The following DHRSX variants were observed in gnomAD, a reference collection of about 807,000 sequenced individuals.
DHRSX encodes the protein polyprenol dehydrogenase.
A neutral mutation model predicts 34.0 loss-of-function variants in DHRSX; 31 were observed. That is an observed-to-expected ratio of 0.91 (90% confidence interval 0.69 to 1.23). DHRSX has a LOEUF of 1.23. DHRSX is among the 50% of genes most tolerant of loss of function. The pLI is 0.00. For missense variants in DHRSX, 414 were observed against 428.1 expected (o/e 0.97, Z 0.29); for synonymous variants, 201 against 183.8 (o/e 1.09, Z -0.76).
intron 3 of DHRSX, among the ~76,000 whole-genome samples, chrX:2,374,224 C>T (rs920975026): frequency 2.0e-5 from 3 of 152,164 alleles, no homozygotes; most frequent in African/African-American, 4.8e-5. Context: ...GGCATGCCAC[C>T]GTGCCTGGCT....
At chrX:2,451,945 A>C (rs909646751) in intron 1 of DHRSX, among the ~76,000 whole-genome samples, 1 of 151,370 alleles carries the variant, frequency 6.6e-6, no homozygotes, top group African/African-American at 2.4e-5. Flanking sequence ...TGCCATGTAC[A>C]CATTGAAGAC....
intron 1 of DHRSX, among the ~76,000 whole-genome samples, chrX:2,467,560 A>G (rs918854043): frequency 6.6e-6 from 1 of 152,162 alleles, no homozygotes; most frequent in African/African-American, 2.4e-5. Context: ...GATGCCAAAA[A>G]CCAGAACAAG....
intron 2 of DHRSX, among the ~76,000 whole-genome samples, chrX:2,419,382 C>G (rs1455364459): frequency 2.0e-5 from 3 of 152,144 alleles, no homozygotes; most frequent in African/African-American, 2.4e-5. Flanking sequence ...CAATAAGTTT[C>G]TATGGTTTAT....
intron 2 of DHRSX, among the ~76,000 whole-genome samples, chrX:2,409,454 T>C (rs942036105): frequency 1.3e-5 from 2 of 152,108 alleles, no homozygotes; most frequent in Non-Finnish European, 2.9e-5. Context: ...GGCCCTGGTG[T>C]GGGATGTTCC....
intron 3 of DHRSX, among the ~76,000 whole-genome samples, chrX:2,389,089 A>G (rs957016841): frequency 1.3e-5 from 2 of 152,220 alleles, no homozygotes; most frequent in African/African-American, 4.8e-5. Flanking sequence ...CGGCAACGCT[A>G]CAAGACGAAT....
intron 3 of DHRSX, among the ~76,000 whole-genome samples, chrX:2,407,694 C>T (rs2043574106): frequency 6.6e-6 from 1 of 152,176 alleles, no homozygotes; most frequent in Non-Finnish European, 1.5e-5. Context: ...CCTGACCGAC[C>T]TCCTACATTC....
chrX:2,371,465 G>A (rs1298544106), intron 3 of DHRSX, among the ~76,000 whole-genome samples: 1 of 125,408 alleles, frequency 8.0e-6, no homozygotes, highest in Non-Finnish European at 1.7e-5. Flanking sequence ...GTCCCTCCTC[G>A]TTACCATAGA....
intron 6 of DHRSX, among the ~76,000 whole-genome samples, chrX:2,238,476 G>C (rs2016066768): frequency 1.3e-5 from 2 of 152,200 alleles, no homozygotes. Flanking sequence ...AGAGGTTTCA[G>C]AGTGACATAC....
chrX:2,370,274 C>T (rs1453359223), intron 3 of DHRSX, among the ~76,000 whole-genome samples: 5 of 151,922 alleles, frequency 3.3e-5, no homozygotes, highest in African/African-American at 7.3e-5. Context: ...TGGGTTCAAG[C>T]GATTCTCCTG....
intron 3 of DHRSX, among the ~76,000 whole-genome samples, chrX:2,292,835 G>A (rs1351235491): frequency 8.6e-5 from 13 of 151,142 alleles, no homozygotes; most frequent in South Asian, 8.4e-4. Context: ...GCTCTTCCAC[G>A]CTGCTCAGTC....
chrX:2,355,511 T>TAAAAAAAAAAAAAAAAAAAAAAAAAAAA, intron 3 of DHRSX, among the ~76,000 whole-genome samples: 1 of 75,302 alleles, frequency 1.3e-5, no homozygotes, highest in Non-Finnish European at 2.4e-5. Context: ...AGACCCCATC[T>TAAAAAAAAAAAAAAAAAAAAAAAAAAAA]AAAAAAAAAA....
At chrX:2,461,563 G>A (rs908915798) in intron 1 of DHRSX, among the ~76,000 whole-genome samples, 1 of 152,020 alleles carries the variant, frequency 6.6e-6, no homozygotes, top group Admixed American at 6.6e-5. Context: ...TTAGAGACAG[G>A]GTGTCTCTCA....
chrX:2,356,900 G>C (rs759211749), intron 3 of DHRSX, among the ~76,000 whole-genome samples: 1 of 152,114 alleles, frequency 6.6e-6, no homozygotes, highest in Non-Finnish European at 1.5e-5. Flanking sequence ...TTATTGGCAA[G>C]GGTTCCTGTA....
chrX:2,252,248 A>G (rs1420435756), intron 5 of DHRSX, among the ~76,000 whole-genome samples: 4 of 152,118 alleles, frequency 2.6e-5, no homozygotes, highest in African/African-American at 9.7e-5. Flanking sequence ...AAAAATAAAT[A>G]AATAAAAAGA....
chrX:2,400,199 C>T (rs1403441920), intron 3 of DHRSX, among the ~76,000 whole-genome samples: 1 of 152,184 alleles, frequency 6.6e-6, no homozygotes, highest in Non-Finnish European at 1.5e-5. Context: ...CATGATCTCT[C>T]AAGGATTCTA....
chrX:2,384,433 C>T (rs1446605892), intron 3 of DHRSX, among the ~76,000 whole-genome samples: 2 of 151,726 alleles, frequency 1.3e-5, no homozygotes, highest in Admixed American at 6.6e-5. Flanking sequence ...TGAGATGCTA[C>T]GAGGAAACGC....
intron 3 of DHRSX, among the ~76,000 whole-genome samples, chrX:2,335,199 A>AG (rs1230240426): frequency 3.4e-4 from 51 of 151,326 alleles, no homozygotes; most frequent in Admixed American, 2.9e-3. Context: ...AAAAAAAAAA[A>AG]GAAAAATTTA....
At chrX:2,330,906 C>T (rs2042464296) in intron 3 of DHRSX, among the ~76,000 whole-genome samples, 1 of 152,102 alleles carries the variant, frequency 6.6e-6, no homozygotes, top group African/African-American at 2.4e-5. Flanking sequence ...GTCCAGGCCA[C>T]TCTAAATGTC....
intron 3 of DHRSX, among the ~76,000 whole-genome samples, chrX:2,299,370 T>G (rs2041984231): frequency 1.3e-5 from 2 of 152,134 alleles, no homozygotes; most frequent in Non-Finnish European, 2.9e-5. Flanking sequence ...GCACCTGCTG[T>G]GTCTGATGCC....
Sources: gnomAD v4.1 joint callset for allele counts (sites outside exome capture counted in the v4.1 genomes callset) on GRCh38, gnomAD v4.1.1 for gene constraint, MANE v1.5 for transcripts, NCBI Gene and HGNC (gene_info 2026-07-23, HGNC 2026-07-21) for gene names.